Variants in LARP1B observed in about 807,000 individuals in gnomAD.
LARP1B encodes La ribonucleoprotein 1B.
A neutral mutation model predicts 114.2 loss-of-function variants in LARP1B; 76 were observed. That is an observed-to-expected ratio of 0.67 (90% confidence interval 0.55 to 0.81). LARP1B has a LOEUF of 0.81. Ranked by LOEUF, LARP1B falls within the 30% of genes least tolerant of loss-of-function variation. LARP1B has a pLI of 0.00. For missense variants in LARP1B, 1,014 were observed against 1,075.8 expected, an observed-to-expected ratio of 0.94 and a Z score of 0.80; for synonymous variants, 345 against 348.0, an observed-to-expected ratio of 0.99 and a Z score of 0.10.
intron 10 of LARP1B, among the ~76,000 whole-genome samples, chr4:128,115,608 C>G (rs771806795): frequency 6.6e-6 from 1 of 152,168 alleles, no homozygotes; most frequent in Non-Finnish European, 1.5e-5. Context: ...CTACTTGTGA[C>G]TAATTTTAAC....
intron 8 of LARP1B, among the ~76,000 whole-genome samples, chr4:128,099,323 T>A (rs1331921091): frequency 2.0e-5 from 3 of 151,032 alleles, no homozygotes; most frequent in Non-Finnish European, 3.0e-5. Flanking sequence ...AGTCTCATTC[T>A]GTTGCCCAGT....
In LARP1B at chr4:128,082,236, C is replaced by G. The variant is rs144025629; in HGVS notation, c.289C>G (p.Arg97Gly). The change falls in exon 5 of 20, where the codon CGG (arginine) becomes GGG (glycine). Residue 97 changes from arginine (R) to glycine (G), a missense_variant. Arg to Gly is a moderately radical substitution (Grantham distance 125). Coordinates refer to ENST00000326639, the MANE Select transcript of LARP1B (RefSeq NM_018078.4). The stretch of plus-strand genomic sequence containing the variant: ...AGAGAGTCAAGAAAGACCTGGATCC[C>G]GGAACAGCTCAAGATGTCAACCTGA... Reference protein sequence around the residue: ...RSESQERPGSRNSSRCQPEAN... With the variant: ...RSESQERPGSGNSSRCQPEAN... The G allele has an allele frequency of 2.5e-6, 4 of 1,612,942 alleles. No individual in the cohort carries two copies. Among genetic ancestry groups the G allele is most frequent in the Non-Finnish European group, 3.4e-6 (4 of 1,179,622 alleles).
chr4:128,197,116 AGTG>A (rs1179240007), intron 15 of LARP1B, among the ~76,000 whole-genome samples: 4 of 152,218 alleles, frequency 2.6e-5, no homozygotes, highest in African/African-American at 7.2e-5. Flanking sequence ...GAGTCTAGAT[AGTG>A]GTGATGATTA....
chr4:128,174,772 C>T (rs548188670), intron 12 of LARP1B, among the ~76,000 whole-genome samples: 1 of 152,136 alleles, frequency 6.6e-6, no homozygotes, highest in African/African-American at 2.4e-5. Flanking sequence ...TATCATTTCT[C>T]CTGGAAATAC....
At chr4:128,087,398 A>T (rs986566500) in intron 5 of LARP1B, among the ~76,000 whole-genome samples, 5 of 152,210 alleles carry the variant, frequency 3.3e-5, no homozygotes, top group Non-Finnish European at 5.9e-5. Flanking sequence ...AGCATTCAAA[A>T]ATTTTAAATA....
chr4:128,140,885 G>A (rs1727769914), intron 11 of LARP1B, among the ~76,000 whole-genome samples: 1 of 150,348 alleles, frequency 6.7e-6, no homozygotes, highest in Admixed American at 6.7e-5. Flanking sequence ...GCGTGATCTC[G>A]GCTCACTGCA....
chr4:128,096,938 G>T (rs1354160559), intron 7 of LARP1B, among the ~76,000 whole-genome samples: 1 of 151,818 alleles, frequency 6.6e-6, no homozygotes, highest in Non-Finnish European at 1.5e-5. Flanking sequence ...TCTTGCTCTC[G>T]CCCAGGCTGG....
intron 15 of LARP1B, among the ~76,000 whole-genome samples, chr4:128,197,867 A>G (rs1336843653): frequency 6.6e-6 from 1 of 151,408 alleles, no homozygotes; most frequent in East Asian, 1.9e-4. Flanking sequence ...TTGCTTTAAG[A>G]AAACGATTGT....
chr4:128,163,800 T>C (rs1011672665), intron 12 of LARP1B, among the ~76,000 whole-genome samples: 1 of 152,154 alleles, frequency 6.6e-6, no homozygotes, highest in Non-Finnish European at 1.5e-5. Flanking sequence ...ATGCCAGTTA[T>C]CAGTTTATTG....
At chr4:128,101,599 ATAT>A (rs1256307188) in intron 8 of LARP1B, among the ~76,000 whole-genome samples, 1 of 151,434 alleles carries the variant, frequency 6.6e-6, no homozygotes, top group African/African-American at 2.4e-5. Flanking sequence ...CTTAGAGCAA[ATAT>A]TATGATTCAT....
intron 8 of LARP1B, among the ~76,000 whole-genome samples, chr4:128,106,059 C>G (rs989960397): frequency 2.7e-5 from 4 of 150,478 alleles, no homozygotes; most frequent in Non-Finnish European, 5.9e-5. Context: ...GAATCTTGCT[C>G]TGTCTCCAGG....
chr4:128,187,243 G>A (rs1750673480), intron 15 of LARP1B, among the ~76,000 whole-genome samples: 1 of 152,190 alleles, frequency 6.6e-6, no homozygotes, highest in African/African-American at 2.4e-5. Context: ...CCTCAGCCTC[G>A]AAAAGCCACA....
At chr4:128,111,850 T>A (rs1425772244) in intron 9 of LARP1B, among the ~76,000 whole-genome samples, 1 of 151,522 alleles carries the variant, frequency 6.6e-6, no homozygotes, top group African/African-American at 2.4e-5. Flanking sequence ...CCTGGCTAAT[T>A]TTTGTATTTT....
intron 11 of LARP1B, among the ~76,000 whole-genome samples, chr4:128,139,352 G>A (rs1389844498): frequency 6.6e-6 from 1 of 152,028 alleles, no homozygotes; most frequent in Non-Finnish European, 1.5e-5. Context: ...TGTAAGTCAG[G>A]CATAGTGCTG....
In LARP1B at chr4:128,199,600, G is replaced by T. The variant is rs1755283755; in HGVS notation, c.2164+1G>T. On this transcript the variant is annotated splice_donor_variant, in intron 16 of 19. Coordinates refer to ENST00000326639, the MANE Select transcript of LARP1B (RefSeq NM_018078.4). LOFTEE classifies it high-confidence loss of function. ...AAGTATCGTCGAAGATGCCTAAGTG[G>T]TAAGATGCTTGTCCTTTATCTATCT... 1 of 1,516,038 alleles carries T rather than the reference G, an allele frequency of 6.6e-7. No homozygotes were observed. The highest frequency in any genetic ancestry group is 1.4e-5 in the African/African-American group (1 of 72,268). The allele number at this position is 1,516,038 out of a possible 1,614,324, so 93.9% of individuals were successfully genotyped here. A position where few individuals can be genotyped will look rare whatever the true frequency, so the allele number is the denominator to read the frequency against.
Position 128,178,479 on chromosome 4 carries a change from CTTCAGCAGCAA to C in LARP1B, c.1735_1745del (p.Ser579GlyfsTer13), listed in dbSNP as rs1747179939. The C allele has an allele frequency of 6.2e-7, 1 of 1,613,856 alleles. No individual in the cohort carries two copies. Among genetic ancestry groups the C allele is most frequent in the African/African-American group, 1.3e-5 (1 of 74,920 alleles). On this transcript the variant is annotated frameshift_variant, in exon 14 of 20. Coordinates refer to ENST00000326639, the MANE Select transcript of LARP1B (RefSeq NM_018078.4). LOFTEE classifies it high-confidence loss of function. ...AAGTTATTTGATGTTTCAGAAATAA[CTTCAGCAGCAA>C]TGGTTCATTCGTTGCCTACAGCAGT...
At chr4:128,107,407 G>A in intron 9 of LARP1B, 94 bp downstream of exon 9, 2 of 1,531,116 alleles carry the variant, frequency 1.3e-6, no homozygotes, top group African/African-American at 2.8e-5. Context: ...ATTTAGATTT[G>A]ATAGGAAAAT....
At chr4:128,098,781 T>A (rs1304076491) in intron 8 of LARP1B, among the ~76,000 whole-genome samples, 959 of 54,144 alleles carry the variant, frequency 0.018, 54 homozygotes, top group African/African-American at 0.048. Flanking sequence ...TTTTTTTTTT[T>A]TTTTTTTTTT....
At chr4:128,080,529 G>A (rs1433959796) in intron 4 of LARP1B, among the ~76,000 whole-genome samples, 1 of 152,104 alleles carries the variant, frequency 6.6e-6, no homozygotes, top group Non-Finnish European at 1.5e-5. Flanking sequence ...GGATTTATAG[G>A]ATATCAATAT....
Sources: gnomAD v4.1 joint callset for allele counts (sites outside exome capture counted in the v4.1 genomes callset) on GRCh38, gnomAD v4.1.1 for gene constraint, MANE v1.5 for transcripts, NCBI Gene and HGNC (gene_info 2026-07-23, HGNC 2026-07-21) for gene names.